Variants in DYRK4 observed in about 807,000 individuals in gnomAD.
DYRK4 encodes the protein dual specificity tyrosine phosphorylation regulated kinase 4.
Under a neutral mutation model 68.3 loss-of-function variants are expected in DYRK4, and 64 were observed. The ratio of observed to expected loss-of-function variants is 0.94; its 90% CI spans 0.77 to 1.15. The LOEUF is 1.15. Among genes scored for constraint, DYRK4 ranks in the 50% most tolerant of loss-of-function variants. The pLI, the probability that DYRK4 is intolerant of heterozygous loss-of-function variation, is 0.00. For missense variants in DYRK4, 740 were observed against 764.7 expected (o/e 0.97, Z 0.38); for synonymous variants, 274 against 289.9 (o/e 0.95, Z 0.56).
chr12:4,564,969 C>T lies in DYRK4; in HGVS notation c.38+2686C>T, dbSNP rs138067151. Among the ~76,000 whole-genome samples the T allele has an allele frequency of 4.0e-4, 61 of 152,194 alleles. No individual in the cohort carries two copies. The East Asian group carries it at 0.01, about 26-fold the overall frequency. ...TTTCTTAGGCAAACACACGATTGAA[C>T]GCTCGAGGAAAGAGAGGAAGGGGAA... is the stretch of plus-strand genomic sequence containing the variant. On this transcript the variant is annotated intron_variant, in intron 1 of 14. Transcript: ENST00000543431.
At chr12:4,593,453 A>C (rs1433016195) in intron 6 of DYRK4, among the ~76,000 whole-genome samples, 1 of 152,162 alleles carries the variant, frequency 6.6e-6, no homozygotes, top group Non-Finnish European at 1.5e-5. Context: ...CCTTCCCTGC[A>C]TAGCCCACTG....
rs757693098 is a variant in DYRK4, at chr12:4,605,053, G to T, written c.1266G>T (p.Glu422Asp). 1 of 1,613,902 alleles carries T rather than the reference G, an allele frequency of 6.2e-7. No homozygotes were observed. Among genetic ancestry groups the T allele is most frequent in the Non-Finnish European group, 8.5e-7 (1 of 1,179,892 alleles). The stretch of plus-strand genomic sequence containing the variant: ...CGGGCTACCCCCTGTTCCCCGGGGA[G>T]AATGAGGTGGAGCAGCTGGCCTGCA... ...LYTGYPLFPG[E>D]NEVEQLACIM... Residue 422 changes from glutamate to aspartate, a missense_variant, in exon 11 of 15, where the codon GAG (glutamate) becomes GAT (aspartate). This residue lies in a region of DYRK4 where 614 missense variants were observed against 603.7 expected (regional missense o/e 1.02). Coordinates refer to ENST00000543431, the MANE Select transcript of DYRK4 (RefSeq NM_001394779.1).
rs765080626 is a variant in DYRK4 at position 4,605,021 on chromosome 12, T to C, written c.1234T>C (p.Leu412=). Residue 412 remains leucine (L), a synonymous_variant, in exon 11 of 15, where the codon TTG becomes CTG. Coordinates refer to ENST00000543431, the MANE Select transcript of DYRK4 (RefSeq NM_001394779.1). ...GAGCCTGGGCTGCATCACGGCGGAG[T>C]TGTACACGGGCTACCCCCTGTTCCC... The part of the protein sequence containing the change: ...MWSLGCITAE[L]YTGYPLFPGE... 6.2e-7 allele frequency: 1 copy of C among 1,613,766 alleles called. No individual in the cohort carries two copies. Among genetic ancestry groups the C allele is most frequent in the Non-Finnish European group, 8.5e-7 (1 of 1,179,884 alleles).
chr12:4,598,768 C>A (rs1005259349), intron 8 of DYRK4, among the ~76,000 whole-genome samples: 2 of 152,130 alleles, frequency 1.3e-5, no homozygotes, highest in Admixed American at 6.5e-5. Context: ...CCTCTTAACC[C>A]GCCTGCATAA....
At chr12:4,578,136 G>C (rs778740478) in intron 2 of DYRK4, among the ~76,000 whole-genome samples, 5 of 152,134 alleles carry the variant, frequency 3.3e-5, no homozygotes, top group Non-Finnish European at 7.4e-5. Flanking sequence ...TACAGGTATT[G>C]CCTTCTAAAA....
chr12:4,569,515 C>T (rs1944710449), intron 2 of DYRK4, among the ~76,000 whole-genome samples: 2 of 152,150 alleles, frequency 1.3e-5, no homozygotes, highest in South Asian at 2.1e-4. Flanking sequence ...TTATTATCCC[C>T]AATTTTACAG....
chr12:4,609,707 T>C (rs765171097), intron 12 of DYRK4, among the ~76,000 whole-genome samples: 1 of 152,186 alleles, frequency 6.6e-6, no homozygotes, highest in African/African-American at 2.4e-5. Context: ...TCTTTGGTCA[T>C]TGGTAAAAAG....
intron 10 of DYRK4, among the ~76,000 whole-genome samples, chr12:4,600,278 T>C (rs994075061): frequency 6.6e-6 from 1 of 152,088 alleles, no homozygotes; most frequent in Admixed American, 6.5e-5. Flanking sequence ...TAATATTGTG[T>C]TCTTTCGGCT....
chr12:4,574,144 G>C (rs1406982982), intron 2 of DYRK4, among the ~76,000 whole-genome samples: 1 of 150,516 alleles, frequency 6.6e-6, no homozygotes, highest in East Asian at 2.0e-4. Flanking sequence ...AGAATTGCTT[G>C]AACCTGGGAG....
chr12:4,604,941 A>G lies in DYRK4; in HGVS notation c.1154A>G (p.Tyr385Cys). Reference sequence around the variant, plus strand: ...TACACGTACATCCAAAGCCGGTTCTACCGATCCCCAGAAGTGATCCTGGGC... The same window carrying G: ...TACACGTACATCCAAAGCCGGTTCTGCCGATCCCCAGAAGTGATCCTGGGC... ...KVYTYIQSRF[Y>C]RSPEVILGHP... Residue 385 changes from tyrosine to cysteine, a missense_variant, in exon 11 of 15, where the codon TAC becomes TGC. Physicochemically the swap from Tyr to Cys is radical, Grantham distance 194 (BLOSUM62 -2). Transcript: ENST00000543431. 1.2e-6 allele frequency: 2 copies of G among 1,611,674 alleles called. No individual in the cohort carries two copies. Among genetic ancestry groups the G allele is most frequent in the South Asian group, 1.1e-5 (1 of 90,868 alleles).
intron 2 of DYRK4, 30 bp from the exon 3 acceptor site, chr12:4,588,907 A>G (rs1172304071): frequency 1.3e-6 from 2 of 1,531,488 alleles, no homozygotes; most frequent in Non-Finnish European, 8.8e-7. Context: ...CATGCCAAGC[A>G]TTGTTCCTAT....
Position 4,610,232 on chromosome 12 carries a change from G to C in DYRK4, c.1438G>C (p.Val480Leu), listed in dbSNP as rs144235733. The change falls in exon 13 of 15, where the codon GTG (valine) becomes CTG (leucine). Residue 480 changes from valine to leucine, a missense_variant. By Grantham distance (32) the Val-to-Leu change is conservative. This residue lies in a region of DYRK4 where 614 missense variants were observed against 603.7 expected (regional missense o/e 1.02). Transcript: ENST00000543431. ...RYPDSKDLTMVLKTYDTSFLD... is the reference protein window; with the variant it reads ...RYPDSKDLTMLLKTYDTSFLD... The stretch of plus-strand genomic sequence containing the variant: ...CCCAGATTCCAAGGACCTCACGATG[G>C]TGCTGAAAACCTATGACACCAGCTT... The C allele has an allele frequency of 5.0e-6, 8 of 1,597,852 alleles. No individual in the cohort carries two copies. The highest frequency in any genetic ancestry group is 6.8e-6 in the Non-Finnish European group (8 of 1,173,580).
At position 4,607,399 on chromosome 12, in the gene DYRK4, T is replaced by G. The variant is rs547124797; in HGVS notation, c.1360+12T>G. Reference sequence around the variant, plus strand: ...ACAGACATTCTTTGGTAAGTCCTAGTGTGTCTCATGAGGTGTCACAGGCCT... The same window carrying G: ...ACAGACATTCTTTGGTAAGTCCTAGGGTGTCTCATGAGGTGTCACAGGCCT... On this transcript the variant is annotated intron_variant, in intron 12 of 14. Transcript: ENST00000543431. The G allele has an allele frequency of 1.9e-6, 3 of 1,614,164 alleles. No individual in the cohort carries two copies. In the Admixed American group the frequency reaches 5.0e-5, roughly 27 times the overall value.
chr12:4,604,972 C>G lies in DYRK4; in HGVS notation c.1185C>G (p.Pro395=). 1 of 1,614,038 alleles carries G rather than the reference C, an allele frequency of 6.2e-7. No homozygotes were observed. Among genetic ancestry groups the G allele is most frequent in the Non-Finnish European group, 8.5e-7 (1 of 1,179,922 alleles). The change falls in exon 11 of 15, where the codon CCC becomes CCG. Residue 395 remains proline (P), a synonymous_variant. Transcript: ENST00000543431. ...CCCCAGAAGTGATCCTGGGCCACCC[C>G]TACGACGTGGCCATTGACATGTGGA... is the stretch of plus-strand genomic sequence containing the variant. The part of the protein sequence containing the change: ...YRSPEVILGH[P]YDVAIDMWSL...
chr12:4,572,508 G>T (rs1483813249), intron 2 of DYRK4, among the ~76,000 whole-genome samples: 2 of 152,174 alleles, frequency 1.3e-5, no homozygotes, highest in Non-Finnish European at 2.9e-5. Flanking sequence ...TGTTAGCCAG[G>T]ATGGTCTCGA....
chr12:4,588,914 C>A (rs775815465), intron 2 of DYRK4, 23 bp from the exon 3 acceptor site: 1 of 1,534,258 alleles, frequency 6.5e-7, no homozygotes, highest in Non-Finnish European at 8.7e-7. Context: ...AGCATTGTTC[C>A]TATTTTCTTC....
intron 10 of DYRK4, among the ~76,000 whole-genome samples, chr12:4,600,950 C>T (rs1161028157): frequency 2.0e-5 from 3 of 152,052 alleles, no homozygotes; most frequent in Admixed American, 6.5e-5. Flanking sequence ...CAGGAGCCCA[C>T]CAAGAGTCAT....
At chr12:4,579,949 G>A (rs1206394051) in intron 2 of DYRK4, among the ~76,000 whole-genome samples, 2 of 152,154 alleles carry the variant, frequency 1.3e-5, no homozygotes, top group African/African-American at 2.4e-5. Context: ...GAGGGCTTAC[G>A]TTCTAGACGG....
chr12:4,607,283 T>C (rs957541688), intron 11 of DYRK4, 44 bp from the exon 12 acceptor site: 1 of 1,612,890 alleles, frequency 6.2e-7, no homozygotes, highest in African/African-American at 1.3e-5. Flanking sequence ...CCTTTGAATC[T>C]GTGCTCCCAC....
Sources: gnomAD v4.1 joint callset for allele counts (sites outside exome capture counted in the v4.1 genomes callset) on GRCh38, gnomAD v4.1.1 for gene constraint, gnomAD v4.1.1 regional missense constraint, MANE v1.5 for transcripts, NCBI Gene and HGNC (gene_info 2026-07-23, HGNC 2026-07-21) for gene names.